Variants in GOLGA4 observed in about 807,000 individuals in gnomAD.
The protein encoded by GOLGA4 is golgin A4.
In GOLGA4, 169 loss-of-function variants were observed where a neutral mutation model predicts 265.9. The ratio of observed to expected loss-of-function variants is 0.64; its 90% CI spans 0.56 to 0.72. The LOEUF is 0.72. Ranked by LOEUF, GOLGA4 falls within the 30% of genes least tolerant of loss-of-function variation. The pLI is 0.00. For synonymous variants in GOLGA4, 923 were observed against 855.8 expected, an observed-to-expected ratio of 1.08 and a Z score of -1.37; for missense variants, 2,482 against 2,483.4, an observed-to-expected ratio of 1.00 and a Z score of 0.01.
chr3:37,276,628 A>G (rs542740153), intron 2 of GOLGA4: 102 of 1,536,642 alleles, frequency 6.6e-5, no homozygotes, highest in African/African-American at 2.7e-5. Context: ...TATCTGGACC[A>G]TTAAGAAAAC....
Position 37,360,327 on chromosome 3 carries a change from C to T in GOLGA4, c.6664-916C>T, listed in dbSNP as rs964132238. Reference sequence around the variant, plus strand: ...CATTTACTTATGTTTTCAAGATTTTCAGTACTTTACAAGCATAGACATAGG... The same window carrying T: ...CATTTACTTATGTTTTCAAGATTTTTAGTACTTTACAAGCATAGACATAGG... On this transcript the variant is annotated intron_variant, in intron 22 of 23. Transcript: ENST00000361924. 2.0e-5 allele frequency among the ~76,000 whole-genome samples: 3 copies of T among 152,164 alleles called. No individual in the cohort carries two copies. The East Asian group carries it at 5.8e-4, about 29-fold the overall frequency.
intron 12 of GOLGA4, among the ~76,000 whole-genome samples, chr3:37,321,136 A>G (rs2096953709): frequency 1.3e-5 from 2 of 152,182 alleles, no homozygotes; most frequent in Non-Finnish European, 2.9e-5. Context: ...AGTACTGTCT[A>G]GAGCTTCTCT....
At chr3:37,268,316 T>C (rs1342490048) in intron 2 of GOLGA4, among the ~76,000 whole-genome samples, 1 of 152,100 alleles carries the variant, frequency 6.6e-6, no homozygotes, top group East Asian at 1.9e-4. Context: ...ATTCCTGGCC[T>C]CAGGTGATCC....
At chr3:37,302,355 T>C (rs755945879) in intron 10 of GOLGA4, 23 bp downstream of exon 10, 2 of 1,596,308 alleles carry the variant, frequency 1.3e-6, no homozygotes, top group South Asian at 1.1e-5. Context: ...GGGTTACTTG[T>C]TTTATGTTGG....
intron 10 of GOLGA4, among the ~76,000 whole-genome samples, chr3:37,303,383 G>C (rs1414355318): frequency 6.6e-6 from 1 of 152,204 alleles, no homozygotes; most frequent in African/African-American, 2.4e-5. Flanking sequence ...AAGAAAGGTA[G>C]AATCTGTAGA....
At chr3:37,334,986 G>T in intron 16 of GOLGA4, 67 bp from the exon 17 acceptor site, 1 of 936,084 alleles carries the variant, frequency 1.1e-6, no homozygotes, top group South Asian at 1.6e-5. Flanking sequence ...GTGCTTTTTT[G>T]ATGTGTTTGT....
chr3:37,260,495 G>A (rs1201066905), intron 2 of GOLGA4, among the ~76,000 whole-genome samples: 2 of 152,114 alleles, frequency 1.3e-5, no homozygotes, highest in African/African-American at 2.4e-5. Context: ...ACTTAGCTAG[G>A]TATGTTGGCG....
At chr3:37,259,022 T>C (rs953794137) in intron 2 of GOLGA4, among the ~76,000 whole-genome samples, 2 of 152,202 alleles carry the variant, frequency 1.3e-5, no homozygotes, top group East Asian at 1.9e-4. Flanking sequence ...TCACCTCTCT[T>C]GTATTTTTTC....
chr3:37,324,691 G>A lies in GOLGA4; in HGVS notation c.2805G>A (p.Glu935=). 1.2e-6 allele frequency: 2 copies of A among 1,609,524 alleles called. No homozygotes were observed. Among genetic ancestry groups the A allele is most frequent in the South Asian group, 1.1e-5 (1 of 89,990 alleles). Residue 935 remains glutamate (E), a synonymous_variant, in exon 14 of 24, where the codon GAG becomes GAA. Coordinates refer to ENST00000361924, the MANE Select transcript of GOLGA4 (RefSeq NM_002078.5). The stretch of plus-strand genomic sequence containing the variant: ...TCACACAGAAATTGTCAGCCAAGGA[G>A]GACAGTATTCATATTTTGAATGAGG... ...EILTQKLSAK[E]DSIHILNEEY...
chr3:37,351,263 G>A (rs1394130542), intron 21 of GOLGA4, among the ~76,000 whole-genome samples: 6 of 152,140 alleles, frequency 3.9e-5, no homozygotes, highest in Non-Finnish European at 7.4e-5. Context: ...ATCCATTAAA[G>A]TTTTATCATG....
At chr3:37,296,005 A>G (rs758160620) in intron 6 of GOLGA4, 82 bp from the exon 7 acceptor site, 6 of 1,267,420 alleles carry the variant, frequency 4.7e-6, no homozygotes, top group Admixed American at 3.6e-5. Flanking sequence ...CCTGGAACCA[A>G]TCCCCCACAG....
chr3:37,266,437 A>T (rs546130571), intron 2 of GOLGA4, among the ~76,000 whole-genome samples: 1 of 152,210 alleles, frequency 6.6e-6, no homozygotes, highest in Admixed American at 6.5e-5. Flanking sequence ...TGACCTCGTG[A>T]TCTGCCCACC....
At chr3:37,274,201 C>A (rs2096807195) in intron 2 of GOLGA4, among the ~76,000 whole-genome samples, 1 of 151,478 alleles carries the variant, frequency 6.6e-6, no homozygotes, top group South Asian at 2.1e-4. Context: ...ATGGAGGTAG[C>A]CATATTGAGA....
intron 22 of GOLGA4, among the ~76,000 whole-genome samples, chr3:37,359,669 C>T (rs1434269867): frequency 6.6e-6 from 1 of 152,088 alleles, no homozygotes; most frequent in East Asian, 1.9e-4. Flanking sequence ...AGTCCTTGCC[C>T]TGGACCAGTC....
At chr3:37,258,312 A>C (rs1294214151) in intron 2 of GOLGA4, among the ~76,000 whole-genome samples, 1 of 150,328 alleles carries the variant, frequency 6.7e-6, no homozygotes, top group Non-Finnish European at 1.5e-5. Flanking sequence ...ATATATAGAG[A>C]GCATATATAT....
At chr3:37,314,216 C>T (rs1481501436) in intron 10 of GOLGA4, among the ~76,000 whole-genome samples, 1 of 152,078 alleles carries the variant, frequency 6.6e-6, no homozygotes, top group Non-Finnish European at 1.5e-5. Flanking sequence ...CTACCTCAGC[C>T]TCCAAAAGTG....
At chr3:37,273,144 T>C (rs1224320024) in intron 2 of GOLGA4, among the ~76,000 whole-genome samples, 1 of 152,252 alleles carries the variant, frequency 6.6e-6, no homozygotes, top group Non-Finnish European at 1.5e-5. Context: ...TATTATTTTA[T>C]TGTAGGAAAA....
chr3:37,332,350 TGTG>T (rs2096993503), intron 16 of GOLGA4, among the ~76,000 whole-genome samples: 1 of 152,080 alleles, frequency 6.6e-6, no homozygotes, highest in Non-Finnish European at 1.5e-5. Flanking sequence ...GCGGGGGTGG[TGTG>T]GTGCATGGCC....
At chr3:37,340,982 A>T (rs754291019) in intron 20 of GOLGA4, among the ~76,000 whole-genome samples, 2 of 152,302 alleles carry the variant, frequency 1.3e-5, no homozygotes, top group South Asian at 4.1e-4. Flanking sequence ...CCTGGCCAAC[A>T]TGGTGAAACC....
Sources: gnomAD v4.1 joint callset for allele counts (sites outside exome capture counted in the v4.1 genomes callset) on GRCh38, gnomAD v4.1.1 for gene constraint, MANE v1.5 for transcripts, NCBI Gene and HGNC (gene_info 2026-07-23, HGNC 2026-07-21) for gene names.